The following FCHO2 variants were observed in gnomAD, a reference collection of about 807,000 sequenced individuals.
The protein encoded by FCHO2 is FCH and mu domain containing endocytic adaptor 2.
A neutral mutation model predicts 114.1 loss-of-function variants in FCHO2; 43 were observed. The observed-to-expected ratio is 0.38, with a 90% confidence interval of 0.30 to 0.49. The LOEUF is 0.49. Among genes scored for constraint, FCHO2 ranks in the 20% least tolerant of loss-of-function variants. The probability of loss-of-function intolerance (pLI) is 0.97; values close to 1 mark genes in which losing one functional copy is unlikely to be tolerated. For missense variants in FCHO2, 807 were observed against 950.4 expected, an observed-to-expected ratio of 0.85 and a Z score of 1.98; for synonymous variants, 293 against 315.2, an observed-to-expected ratio of 0.93 and a Z score of 0.75.
intron 1 of FCHO2, among the ~76,000 whole-genome samples, chr5:72,959,125 T>C (rs1237098619): frequency 6.6e-6 from 1 of 152,224 alleles, no homozygotes; most frequent in Non-Finnish European, 1.5e-5. Flanking sequence ...TTATTTTATT[T>C]CCTGGCTTGG....
chr5:73,061,953 T>A (rs1173870287), intron 17 of FCHO2, among the ~76,000 whole-genome samples: 3 of 152,138 alleles, frequency 2.0e-5, no homozygotes, highest in African/African-American at 7.2e-5. Flanking sequence ...GATTCTAGAT[T>A]AGTTTCCACT....
At position 73,037,126 on chromosome 5, in the gene FCHO2, A is replaced by G; in HGVS notation, c.842-17A>G. 1 of 1,459,882 alleles carries G rather than the reference A, an allele frequency of 6.8e-7. No homozygotes were observed. Among genetic ancestry groups the G allele is most frequent in the Non-Finnish European group, 9.4e-7 (1 of 1,069,288 alleles). 90.4% of individuals were successfully genotyped at this position (1,459,882 alleles called of 1,614,324 possible). A position where few individuals can be genotyped will look rare whatever the true frequency, so the allele number is the denominator to read the frequency against. On this transcript the variant is annotated splice_polypyrimidine_tract_variant and intron_variant, in intron 9 of 25. Coordinates refer to ENST00000430046, the MANE Select transcript of FCHO2 (RefSeq NM_138782.3). ...GGAATGTTTATGTTTCTGTAACAATATATATTTATTTTAAAGGTATAAAAC... is the reference window on the plus strand; with the variant it reads ...GGAATGTTTATGTTTCTGTAACAATGTATATTTATTTTAAAGGTATAAAAC...
At chr5:72,971,259 C>A (rs889324670) in intron 2 of FCHO2, among the ~76,000 whole-genome samples, 2 of 151,966 alleles carry the variant, frequency 1.3e-5, no homozygotes, top group Non-Finnish European at 2.9e-5. Flanking sequence ...AGTTCTAGAT[C>A]CCTGAGGAAT....
At chr5:73,023,440 G>T (rs1361299356) in intron 8 of FCHO2, among the ~76,000 whole-genome samples, 2 of 152,132 alleles carry the variant, frequency 1.3e-5, no homozygotes, top group African/African-American at 4.8e-5. Context: ...AGTGGCTCAC[G>T]CCTGTAATCC....
chr5:73,041,377 A>G (rs1195960069), intron 11 of FCHO2, 62 bp downstream of exon 11: 5 of 1,030,546 alleles, frequency 4.9e-6, no homozygotes, highest in Admixed American at 2.2e-5. Context: ...GGACAAACCT[A>G]ACACATTTGA....
At chr5:73,061,857 C>G (rs1346873957) in intron 17 of FCHO2, among the ~76,000 whole-genome samples, 1 of 152,068 alleles carries the variant, frequency 6.6e-6, no homozygotes, top group African/African-American at 2.4e-5. Flanking sequence ...TGACCTTTGC[C>G]TAATATTAGA....
At chr5:72,978,900 A>T (rs1443604824) in intron 2 of FCHO2, among the ~76,000 whole-genome samples, 1 of 151,962 alleles carries the variant, frequency 6.6e-6, no homozygotes, top group Non-Finnish European at 1.5e-5. Context: ...TGTTTATGTG[A>T]TGGATTACAT....
intron 8 of FCHO2, 60 bp from the exon 9 acceptor site, chr5:73,034,597 T>A: frequency 7.3e-7 from 1 of 1,366,378 alleles, no homozygotes; most frequent in Non-Finnish European, 1.0e-6. Context: ...AAAAAAAAAG[T>A]TTTAAAATTT....
chr5:73,017,284 A>G lies in FCHO2; in HGVS notation c.772A>G (p.Lys258Glu), dbSNP rs1755356579. The G allele has an allele frequency of 1.3e-6, 2 of 1,565,528 alleles. No individual in the cohort carries two copies. The highest frequency in any genetic ancestry group is 1.4e-5 in the African/African-American group (1 of 73,574). The change falls in exon 8 of 26, where the codon AAA becomes GAA. Residue 258 changes from lysine (K) to glutamate (E), a missense_variant. Physicochemically the swap from Lys to Glu is moderately conservative, Grantham distance 56. Coordinates refer to ENST00000430046, the MANE Select transcript of FCHO2 (RefSeq NM_138782.3). ...TTTGATACAAAAATTTGCTGAGTCA[A>G]AAGGCACTGGGAAGGAAAGACCTGG... ...ESLIQKFAES[K>E]GTGKERPGLI...
chr5:73,048,800 A>G (rs1757193817), intron 11 of FCHO2, among the ~76,000 whole-genome samples: 1 of 151,954 alleles, frequency 6.6e-6, no homozygotes, highest in Non-Finnish European at 1.5e-5. Flanking sequence ...TAATACCCAC[A>G]AAGTATGAAT....
At chr5:72,957,033 C>G (rs1255133361) in intron 1 of FCHO2, among the ~76,000 whole-genome samples, 1 of 152,044 alleles carries the variant, frequency 6.6e-6, no homozygotes, top group Non-Finnish European at 1.5e-5. Flanking sequence ...GAGATTTAGA[C>G]ATATTTAAAG....
chr5:73,021,480 T>G (rs1264182531), intron 8 of FCHO2, among the ~76,000 whole-genome samples: 1 of 152,196 alleles, frequency 6.6e-6, no homozygotes, highest in Non-Finnish European at 1.5e-5. Flanking sequence ...CCTTTAGTAC[T>G]TTAGTTGTCC....
At chr5:73,014,912 C>T (rs1214845531) in intron 6 of FCHO2, among the ~76,000 whole-genome samples, 1 of 151,472 alleles carries the variant, frequency 6.6e-6, no homozygotes. Context: ...CCCGTCTCTA[C>T]TAAAAATACA....
chr5:73,037,297 A>G (rs913137699), intron 10 of FCHO2, 82 bp downstream of exon 10: 5 of 1,081,816 alleles, frequency 4.6e-6, no homozygotes, highest in Admixed American at 6.0e-5. Flanking sequence ...GAAAGAAAAA[A>G]GTATTTTGGA....
chr5:73,030,379 A>G (rs1756174367), intron 8 of FCHO2, among the ~76,000 whole-genome samples: 1 of 152,188 alleles, frequency 6.6e-6, no homozygotes, highest in South Asian at 2.1e-4. Context: ...GGATACCACT[A>G]TATTTTAAAA....
At chr5:72,965,289 G>A (rs181916955) in intron 1 of FCHO2, among the ~76,000 whole-genome samples, 1 of 152,236 alleles carries the variant, frequency 6.6e-6, no homozygotes, top group Non-Finnish European at 1.5e-5. Context: ...GTTTTTCAGT[G>A]CATATAAAAG....
intron 5 of FCHO2, among the ~76,000 whole-genome samples, chr5:72,999,413 C>T (rs931469060): frequency 2.2e-5 from 3 of 135,794 alleles, no homozygotes; most frequent in Non-Finnish European, 4.6e-5. Flanking sequence ...GATGGAGTCT[C>T]GCTCTGTTAC....
intron 6 of FCHO2, among the ~76,000 whole-genome samples, chr5:73,011,431 G>A (rs188477341): frequency 2.6e-5 from 4 of 151,838 alleles, no homozygotes; most frequent in South Asian, 2.1e-4. Flanking sequence ...ATCCTTACTC[G>A]ATCAGCTTTT....
At chr5:73,041,701 G>A (rs1756812801) in intron 11 of FCHO2, among the ~76,000 whole-genome samples, 1 of 152,012 alleles carries the variant, frequency 6.6e-6, no homozygotes, top group Admixed American at 6.5e-5. Flanking sequence ...GTTCATTTAA[G>A]AGCTTGTCAT....
Sources: allele counts gnomAD v4.1 joint callset (sites outside exome capture counted in the v4.1 genomes callset), GRCh38; gene constraint gnomAD v4.1.1; transcripts MANE v1.5; gene names NCBI Gene and HGNC (gene_info 2026-07-23, HGNC 2026-07-21).